GPHN: variants seen among roughly 807,000 people sequenced by gnomAD.
The protein encoded by GPHN is gephyrin.
GPHN carries 17 observed loss-of-function variants against 95.5 expected under a neutral mutation model. The ratio of observed to expected loss-of-function variants is 0.18; its 90% CI spans 0.12 to 0.27. The LOEUF (loss-of-function observed/expected upper bound fraction) is 0.27. Among genes scored for constraint, GPHN ranks in the 10% least tolerant of loss-of-function variants. GPHN has a pLI of 1.00. For synonymous variants in GPHN, 320 were observed against 322.5 expected (o/e 0.99, Z 0.08); for missense variants, 660 against 978.1 (o/e 0.67, Z 4.34).
intron 1 of GPHN, among the ~76,000 whole-genome samples, chr14:66,670,840 A>G (rs552094229): frequency 6.6e-6 from 1 of 152,302 alleles, no homozygotes; most frequent in South Asian, 2.1e-4. Context: ...AATATTTTAG[A>G]TTTTGTGGGC....
chr14:67,673,941 C>T, the GPHN span, among the ~76,000 whole-genome samples: 1 of 152,212 alleles, frequency 6.6e-6, no homozygotes, highest in African/African-American at 2.4e-5. Flanking sequence ...TACCAACACC[C>T]CCAAATTATG....
chr14:67,387,462 C>T, the GPHN span: 5 of 1,595,544 alleles, frequency 3.1e-6, no homozygotes, highest in Admixed American at 9.0e-5. Context: ...AACCCCTAGG[C>T]AGAAAAAAGG....
chr14:66,571,437 C>T (rs980518509), intron 1 of GPHN, among the ~76,000 whole-genome samples: 2 of 152,180 alleles, frequency 1.3e-5, no homozygotes, highest in African/African-American at 4.8e-5. Flanking sequence ...ATTCTGTAGG[C>T]TGTCTCTTCA....
chr14:66,815,977 A>G (rs144610922), intron 3 of GPHN, among the ~76,000 whole-genome samples: 1 of 152,324 alleles, frequency 6.6e-6, no homozygotes, highest in Non-Finnish European at 1.5e-5. Flanking sequence ...CTACCAAGCA[A>G]ATGGAAAACA....
At chr14:67,061,116 A>G (rs1372448378) in intron 11 of GPHN, among the ~76,000 whole-genome samples, 1 of 151,766 alleles carries the variant, frequency 6.6e-6, no homozygotes, top group African/African-American at 2.4e-5. Flanking sequence ...ATCTCGGTTC[A>G]CGGCAACCTC....
the GPHN span, among the ~76,000 whole-genome samples, chr14:67,505,441 C>T: frequency 2.6e-5 from 4 of 152,194 alleles, no homozygotes; most frequent in Admixed American, 2.6e-4. Flanking sequence ...CACACGTTGG[C>T]CATCTGCTGT....
chr14:67,714,488 T>TA, the GPHN span: 1 of 152,528 alleles, frequency 6.6e-6, no homozygotes, highest in African/African-American at 2.4e-5. Context: ...TTCTTTTTAT[T>TA]AAAAAGAGTT....
chr14:67,158,636 A>T (rs1055600376), intron 18 of GPHN, among the ~76,000 whole-genome samples: 3 of 152,188 alleles, frequency 2.0e-5, no homozygotes, highest in Admixed American at 6.5e-5. Flanking sequence ...GGTTTTTATT[A>T]TTTAAGAGAA....
At chr14:67,084,278 G>A (rs182518971) in intron 11 of GPHN, among the ~76,000 whole-genome samples, 21 of 152,288 alleles carry the variant, frequency 1.4e-4, no homozygotes, top group East Asian at 1.9e-4. Context: ...AATTATGCTA[G>A]TAAATTAACT....
At chr14:66,639,998 A>G (rs1041017892) in intron 1 of GPHN, among the ~76,000 whole-genome samples, 4 of 152,176 alleles carry the variant, frequency 2.6e-5, no homozygotes, top group African/African-American at 9.7e-5. Context: ...TTAATGAAGG[A>G]TCACAGATGA....
At chr14:67,689,662 G>C in the GPHN span, among the ~76,000 whole-genome samples, 2 of 152,172 alleles carry the variant, frequency 1.3e-5, no homozygotes, top group Non-Finnish European at 2.9e-5. Context: ...GTTAAGTAAT[G>C]GCCAGGTGCG....
the GPHN span, among the ~76,000 whole-genome samples, chr14:67,255,627 G>A: frequency 3.7e-4 from 56 of 152,228 alleles, no homozygotes; most frequent in African/African-American, 1.2e-3. Context: ...ATAACACTTC[G>A]ATTACTTTTC....
chr14:66,606,556 T>G (rs2062545096), intron 1 of GPHN, among the ~76,000 whole-genome samples: 1 of 152,206 alleles, frequency 6.6e-6, no homozygotes, highest in South Asian at 2.1e-4. Flanking sequence ...ATTTATAAAT[T>G]GCTTTGACCA....
chr14:67,071,377 G>A lies in GPHN; in HGVS notation c.1144+12591G>A, dbSNP rs552357744. On this transcript the variant is annotated intron_variant, in intron 11 of 22. Transcript: ENST00000478722. The stretch of plus-strand genomic sequence containing the variant: ...AAACCATCATTCTGAGCAAACTATC[G>A]CAAGGACAGAAAACCAAACACCGCA... Among the ~76,000 whole-genome samples the A allele has an allele frequency of 3.2e-4, 48 of 151,850 alleles. No homozygotes were observed. The South Asian group carries it at 8.5e-3, about 27-fold the overall frequency.
In GPHN at chr14:66,782,035, A is replaced by G. The variant is rs187397573; in HGVS notation, c.201+5514A>G. 6.6e-5 allele frequency among the ~76,000 whole-genome samples: 10 copies of G among 152,252 alleles called. No homozygotes were observed. The East Asian group carries it at 1.9e-3, about 29-fold the overall frequency. Reference sequence around the variant, plus strand: ...TATATTTAAATATTCTTTGTCTGCAATGTATATTACTATAGATTTTATTTA... The same window carrying G: ...TATATTTAAATATTCTTTGTCTGCAGTGTATATTACTATAGATTTTATTTA... On this transcript the variant is annotated intron_variant, in intron 3 of 22. Coordinates refer to ENST00000478722, the MANE Select transcript of GPHN (RefSeq NM_020806.5).
intron 4 of GPHN, among the ~76,000 whole-genome samples, chr14:66,845,400 T>A (rs993040340): frequency 8.5e-5 from 13 of 152,114 alleles, no homozygotes; most frequent in Admixed American, 8.5e-4. Flanking sequence ...ATGATAAAAT[T>A]TAGAAGACTA....
At chr14:67,199,541 G>A in the GPHN span, 1 of 1,609,566 alleles carries the variant, frequency 6.2e-7, no homozygotes, top group Non-Finnish European at 8.5e-7. Context: ...AGCAATTGAA[G>A]CCATGAATGG....
At chr14:67,307,737 C>T in the GPHN span, among the ~76,000 whole-genome samples, 1 of 151,774 alleles carries the variant, frequency 6.6e-6, no homozygotes. Context: ...CTACAATGAA[C>T]TTTAAGAGTT....
At chr14:67,394,698 T>C in the GPHN span, among the ~76,000 whole-genome samples, 6 of 152,192 alleles carry the variant, frequency 3.9e-5, no homozygotes, top group Admixed American at 2.0e-4. Context: ...GTGGTTTGAA[T>C]GTTTATCCCA....
Sources: gnomAD v4.1 joint callset for allele counts (sites outside exome capture counted in the v4.1 genomes callset) on GRCh38, gnomAD v4.1.1 for gene constraint, MANE v1.5 for transcripts, NCBI Gene and HGNC (gene_info 2026-07-23, HGNC 2026-07-21) for gene names.